The following TBL1XR1 variants were observed in gnomAD, a reference collection of about 807,000 sequenced individuals.
The protein encoded by TBL1XR1 is TBL1X/Y related 1.
Under a neutral mutation model 66.9 loss-of-function variants are expected in TBL1XR1, and 5 were observed. The ratio of observed to expected loss-of-function variants is 0.07; its 90% CI spans 0.04 to 0.16. The LOEUF (loss-of-function observed/expected upper bound fraction) is 0.16, where lower values mean the gene tolerates loss of function less well. TBL1XR1 is among the 10% of genes least tolerant of loss of function. TBL1XR1 has a pLI of 1.00. For synonymous variants in TBL1XR1, 210 were observed against 206.0 expected, an observed-to-expected ratio of 1.02 and a Z score of -0.17; for missense variants, 238 against 623.2, an observed-to-expected ratio of 0.38 and a Z score of 6.58.
chr3:177,123,669 G>A (rs1481757827), intron 1 of TBL1XR1, among the ~76,000 whole-genome samples: 5 of 152,068 alleles, frequency 3.3e-5, no homozygotes, highest in African/African-American at 1.2e-4. Context: ...CCAGGTGACT[G>A]AATTCATTCA....
At chr3:177,131,350 G>GAA in intron 1 of TBL1XR1, 2 of 985,274 alleles carry the variant, frequency 2.0e-6, no homozygotes, top group Non-Finnish European at 2.4e-6. Flanking sequence ...ATGGGAAAGA[G>GAA]AATCACACTC....
chr3:177,116,282 C>A (rs1726299967), intron 1 of TBL1XR1, among the ~76,000 whole-genome samples: 1 of 152,126 alleles, frequency 6.6e-6, no homozygotes, highest in Non-Finnish European at 1.5e-5. Context: ...TTCCTCTTCT[C>A]GTATTTCCTA....
At chr3:177,147,870 T>A (rs1172304810) in intron 1 of TBL1XR1, among the ~76,000 whole-genome samples, 1 of 152,190 alleles carries the variant, frequency 6.6e-6, no homozygotes, top group Non-Finnish European at 1.5e-5. Flanking sequence ...CAACTGTTTT[T>A]GAATAATGTG....
chr3:177,029,906 T>G (rs974803900), intron 14 of TBL1XR1, among the ~76,000 whole-genome samples: 1 of 152,198 alleles, frequency 6.6e-6, no homozygotes, highest in African/African-American at 2.4e-5. Flanking sequence ...ATACAAAATG[T>G]TTCATATCCA....
intron 1 of TBL1XR1, among the ~76,000 whole-genome samples, chr3:177,141,693 G>A (rs184066624): frequency 5.6e-4 from 85 of 152,186 alleles, no homozygotes; most frequent in African/African-American, 5.3e-4. Flanking sequence ...TGTATGTATC[G>A]CATATAAAAG....
chr3:177,115,750 A>T (rs1263678345), intron 1 of TBL1XR1, among the ~76,000 whole-genome samples: 1 of 152,214 alleles, frequency 6.6e-6, no homozygotes, highest in Non-Finnish European at 1.5e-5. Context: ...AAGAAGTAGT[A>T]ATGGGTTTCT....
At chr3:177,104,831 C>CA (rs1560179938) in intron 1 of TBL1XR1, among the ~76,000 whole-genome samples, 1 of 152,088 alleles carries the variant, frequency 6.6e-6, no homozygotes, top group Non-Finnish European at 1.5e-5. Flanking sequence ...TAAGATTATA[C>CA]AAAAATAAAC....
chr3:177,063,942 T>C (rs191434058), intron 3 of TBL1XR1, among the ~76,000 whole-genome samples: 28 of 152,230 alleles, frequency 1.8e-4, no homozygotes, highest in African/African-American at 6.5e-4. Flanking sequence ...AGCAACAGGC[T>C]CTCAGACCGA....
intron 10 of TBL1XR1, among the ~76,000 whole-genome samples, chr3:177,040,636 ATT>A (rs913067090): frequency 1.3e-5 from 2 of 148,736 alleles, no homozygotes; most frequent in East Asian, 2.0e-4. Context: ...CTATACTGAG[ATT>A]TTTTTTTTTT....
At chr3:177,159,894 G>A (rs1185285177) in intron 1 of TBL1XR1, among the ~76,000 whole-genome samples, 6 of 152,078 alleles carry the variant, frequency 3.9e-5, no homozygotes. Context: ...ATGTCTATTT[G>A]TTTAAAAATT....
chr3:177,156,376 G>C (rs1445081511), intron 1 of TBL1XR1, among the ~76,000 whole-genome samples: 1 of 151,446 alleles, frequency 6.6e-6, no homozygotes, highest in East Asian at 1.9e-4. Context: ...GCGGGCGCCT[G>C]TAATCCCAGC....
chr3:177,152,985 A>T (rs1025497023), intron 1 of TBL1XR1, among the ~76,000 whole-genome samples: 4 of 152,000 alleles, frequency 2.6e-5, no homozygotes, highest in South Asian at 2.1e-4. Context: ...TACTAAAAAT[A>T]AAAAAACTAG....
chr3:177,049,939 G>T, intron 7 of TBL1XR1, 58 bp downstream of exon 7: 1 of 1,572,414 alleles, frequency 6.4e-7, no homozygotes. Flanking sequence ...GTGAGTATGA[G>T]GCTCTGAGGG....
chr3:177,075,875 C>T (rs1369583098), intron 2 of TBL1XR1, among the ~76,000 whole-genome samples: 2 of 152,120 alleles, frequency 1.3e-5, no homozygotes, highest in South Asian at 2.1e-4. Flanking sequence ...TTCACAGGGC[C>T]GCATTCCCTC....
intron 1 of TBL1XR1, among the ~76,000 whole-genome samples, chr3:177,186,222 C>T (rs549000314): frequency 1.1e-4 from 16 of 152,080 alleles, no homozygotes; most frequent in Non-Finnish European, 1.6e-4. Context: ...AATGTATATC[C>T]GTTACTAAAG....
intron 1 of TBL1XR1, among the ~76,000 whole-genome samples, chr3:177,153,342 C>A (rs888713495): frequency 1.3e-5 from 2 of 152,092 alleles, no homozygotes; most frequent in African/African-American, 4.8e-5. Context: ...AAGTGGAAAA[C>A]CTCGATCTTC....
At chr3:177,107,468 ATAC>A (rs1271963537) in intron 1 of TBL1XR1, among the ~76,000 whole-genome samples, 3 of 152,254 alleles carry the variant, frequency 2.0e-5, no homozygotes, top group African/African-American at 4.8e-5. Context: ...GCTGCCAGAA[ATAC>A]ATTCATTTAT....
chr3:177,112,074 AATATATATATATATATATAT>A (rs1170375681), intron 1 of TBL1XR1, among the ~76,000 whole-genome samples: 1 of 40,952 alleles, frequency 2.4e-5, no homozygotes, highest in African/African-American at 1.1e-4. Context: ...TATAAAATCA[AATATATATATATATATATAT>A]ATATATATAT....
At chr3:177,132,747 T>C (rs957735412) in intron 1 of TBL1XR1, among the ~76,000 whole-genome samples, 1 of 152,116 alleles carries the variant, frequency 6.6e-6, no homozygotes, top group African/African-American at 2.4e-5. Flanking sequence ...ACAAGTTTGA[T>C]TCCCACAAAA....
Sources: allele counts gnomAD v4.1 joint callset (sites outside exome capture counted in the v4.1 genomes callset), GRCh38; gene constraint gnomAD v4.1.1; transcripts MANE v1.5; gene names NCBI Gene and HGNC (gene_info 2026-07-23, HGNC 2026-07-21).